BEND6: variants seen among roughly 807,000 people sequenced by gnomAD.
BEND6 encodes the protein BEN domain containing 6, also known as BEN domain-containing protein 6.
In BEND6, 24 loss-of-function variants were observed where a neutral mutation model predicts 31.8. The observed-to-expected ratio is 0.75, with a 90% CI of 0.55 to 1.06. The LOEUF (loss-of-function observed/expected upper bound fraction) is 1.06. BEND6 is among the 50% of genes least tolerant of loss of function. BEND6 has a pLI of 0.00. For synonymous variants in BEND6, 109 were observed against 114.6 expected (o/e 0.95, Z 0.31); for missense variants, 294 against 327.4 (o/e 0.90, Z 0.79).
At chr6:56,997,253 C>T (rs1288280115) in intron 3 of BEND6, among the ~76,000 whole-genome samples, 1 of 152,172 alleles carries the variant, frequency 6.6e-6, no homozygotes, top group African/African-American at 2.4e-5. Context: ...ACCCCCATTT[C>T]TTTCAGATCT....
intron 3 of BEND6, among the ~76,000 whole-genome samples, chr6:56,994,353 A>G (rs1206401896): frequency 2.1e-5 from 3 of 141,486 alleles, no homozygotes; most frequent in East Asian, 4.7e-4. Flanking sequence ...CAGCTACTGG[A>G]AGGCTGAGGC....
At chr6:57,008,493 T>TGGCATATATA in intron 3 of BEND6, 1 of 381,962 alleles carries the variant, frequency 2.6e-6, no homozygotes, top group South Asian at 7.3e-5. Flanking sequence ...TGCAGGCCTG[T>TGGCATATATA]CTGTGTGATT....
chr6:56,989,977 G>C (rs375698256), intron 2 of BEND6, among the ~76,000 whole-genome samples: 6 of 151,994 alleles, frequency 3.9e-5, no homozygotes, highest in African/African-American at 1.4e-4. Context: ...CCTGCCCCAA[G>C]TTCAAAATAC....
chr6:57,010,603 A>G, intron 3 of BEND6: 1 of 783,060 alleles, frequency 1.3e-6, no homozygotes, highest in Non-Finnish European at 1.5e-6. Context: ...AAAGGGGATC[A>G]GGGTATAAGT....
intron 1 of BEND6, among the ~76,000 whole-genome samples, chr6:56,968,153 C>T (rs1825552488): frequency 6.6e-6 from 1 of 152,072 alleles, no homozygotes; most frequent in Admixed American, 6.6e-5. Context: ...GATATCACTG[C>T]TTATTCATTC....
At position 57,026,620 on chromosome 6, in the gene BEND6, A is replaced by G. The variant is rs893798365; in HGVS notation, c.*548A>G. 1 of 152,214 alleles carries G rather than the reference A, an allele frequency of 6.6e-6. No homozygotes were observed. Among genetic ancestry groups the G allele is most frequent in the Non-Finnish European group, 1.5e-5 (1 of 68,024 alleles). 9.4% of individuals were successfully genotyped at this position (152,214 alleles called of 1,614,324 possible). A position where few individuals can be genotyped will look rare whatever the true frequency, so the allele number is the denominator to read the frequency against. ...ATCTGATAATCATGTCTAACCAAGT[A>G]ATAATGTTTTAGCAATAAAATTACA... is the stretch of plus-strand genomic sequence containing the variant. On this transcript the variant is annotated 3_prime_UTR_variant, in exon 7 of 7. Transcript: ENST00000370746.
chr6:56,998,955 T>C (rs917812969), intron 3 of BEND6, among the ~76,000 whole-genome samples: 2 of 152,174 alleles, frequency 1.3e-5, no homozygotes, highest in Non-Finnish European at 2.9e-5. Flanking sequence ...AAAAATCAAA[T>C]AATTCTGTTT....
chr6:57,009,270 AAGG>A (rs1312987008), intron 3 of BEND6: 3 of 152,138 alleles, frequency 2.0e-5, no homozygotes, highest in African/African-American at 7.2e-5. Context: ...AAGTAGCTAG[AAGG>A]AGGATTTTGA....
chr6:57,000,370 A>T (rs949638290), intron 3 of BEND6, among the ~76,000 whole-genome samples: 9 of 152,098 alleles, frequency 5.9e-5, no homozygotes, highest in Non-Finnish European at 1.0e-4. Context: ...GCTTTGTTAA[A>T]CAGATGCTTG....
rs1252506542 is a variant in BEND6 at position 56,962,129 on chromosome 6, T to A, written c.-101+6669T>A. Among the ~76,000 whole-genome samples, 4 of 152,230 alleles carry A rather than the reference T, an allele frequency of 2.6e-5. No individual in the cohort carries two copies. In the East Asian group the frequency reaches 7.7e-4, roughly 29 times the overall value. On this transcript the variant is annotated intron_variant, in intron 1 of 6. Coordinates refer to ENST00000370746, the MANE Select transcript of BEND6 (RefSeq NM_152731.3). Reference sequence around the variant, plus strand: ...TCAGCCTCCTCTCTCTCTTTCTCTCTCTCATCTTCATCTTCCACCATGTGA... The same window carrying A: ...TCAGCCTCCTCTCTCTCTTTCTCTCACTCATCTTCATCTTCCACCATGTGA...
intron 3 of BEND6, among the ~76,000 whole-genome samples, chr6:56,998,270 A>G (rs924870966): frequency 6.6e-6 from 1 of 152,208 alleles, no homozygotes; most frequent in Non-Finnish European, 1.5e-5. Context: ...TTTGTTTGCA[A>G]TAATGTTCCT....
intron 1 of BEND6, among the ~76,000 whole-genome samples, chr6:56,977,224 T>G (rs1417885205): frequency 6.6e-6 from 1 of 152,164 alleles, no homozygotes; most frequent in African/African-American, 2.4e-5. Context: ...ACATTGAGAG[T>G]GGCACAATAA....
chr6:56,995,817 C>T (rs560299424), intron 3 of BEND6, among the ~76,000 whole-genome samples: 72 of 152,252 alleles, frequency 4.7e-4, no homozygotes, highest in Non-Finnish European at 9.0e-4. Context: ...GTTAGTCTTC[C>T]GACACATCTT....
At chr6:57,008,540 C>G (rs1296236923) in intron 3 of BEND6, 2 of 302,956 alleles carry the variant, frequency 6.6e-6, no homozygotes, top group Non-Finnish European at 1.2e-5. Flanking sequence ...TTCACTGCAG[C>G]CTGGGTGACA....
intron 3 of BEND6, chr6:57,004,550 T>G: frequency 1.2e-6 from 1 of 828,296 alleles, no homozygotes; most frequent in South Asian, 1.3e-5. Context: ...CACATGCCCC[T>G]CACAGGTGCG....
chr6:57,004,597 C>G, intron 3 of BEND6: 1 of 998,354 alleles, frequency 1.0e-6, no homozygotes, highest in Non-Finnish European at 1.6e-6. Flanking sequence ...CCAACATCAA[C>G]CTCCAGATCA....
intron 2 of BEND6, among the ~76,000 whole-genome samples, chr6:56,988,425 G>A (rs1009798482): frequency 4.6e-5 from 7 of 152,060 alleles, no homozygotes; most frequent in Non-Finnish European, 1.0e-4. Context: ...TAGGAAATAC[G>A]AAGAGAAATG....
At chr6:56,975,513 T>G (rs1351872025) in intron 1 of BEND6, 2 of 196,356 alleles carry the variant, frequency 1.0e-5, no homozygotes, top group East Asian at 2.9e-4. Context: ...TTCATTCTTT[T>G]CCACATTTCA....
At chr6:57,000,053 G>A (rs1457121490) in intron 3 of BEND6, among the ~76,000 whole-genome samples, 2 of 151,710 alleles carry the variant, frequency 1.3e-5, no homozygotes, top group Admixed American at 6.6e-5. Context: ...GCCTCTGCCC[G>A]GCCGCCCCGT....
Sources: allele counts gnomAD v4.1 joint callset (sites outside exome capture counted in the v4.1 genomes callset), GRCh38; gene constraint gnomAD v4.1.1; transcripts MANE v1.5; gene names NCBI Gene and HGNC (gene_info 2026-07-23, HGNC 2026-07-21).